Variants in PCDH11X observed in about 807,000 individuals in gnomAD.
The protein encoded by PCDH11X is protocadherin-11 X-linked.
A neutral mutation model predicts 53.3 loss-of-function variants in PCDH11X; 18 were observed. The observed-to-expected ratio is 0.34, with a 90% confidence interval of 0.23 to 0.50. The LOEUF (loss-of-function observed/expected upper bound fraction) is 0.50. PCDH11X is among the 20% of genes least tolerant of loss of function. The probability of loss-of-function intolerance (pLI) is 0.98; values close to 1 mark genes in which losing one functional copy is unlikely to be tolerated. For missense variants in PCDH11X, 570 were observed against 1,032.4 expected, an observed-to-expected ratio of 0.55 and a Z score of 6.14; for synonymous variants, 279 against 393.3, an observed-to-expected ratio of 0.71 and a Z score of 3.44.
intron 6 of PCDH11X, among the ~76,000 whole-genome samples, chrX:91,956,125 C>A (rs1028777326): frequency 1.8e-5 from 2 of 110,754 alleles, no homozygotes; most frequent in Non-Finnish European, 3.8e-5. Flanking sequence ...TCCTCCATAC[C>A]TTTATTTGAG....
intron 6 of PCDH11X, among the ~76,000 whole-genome samples, chrX:92,148,136 C>CTT (rs2065354273): frequency 2.6e-4 from 2 of 7,706 alleles, no homozygotes; most frequent in Non-Finnish European, 4.2e-4. Flanking sequence ...CTTTCTTTTT[C>CTT]CTTCCTTCCT....
intron 10 of PCDH11X, among the ~76,000 whole-genome samples, chrX:92,560,127 G>C: frequency 8.9e-6 from 1 of 112,142 alleles, no homozygotes; most frequent in Non-Finnish European, 1.9e-5. Flanking sequence ...AGCCACAGTA[G>C]GATAGGGCAC....
At chrX:91,876,012 G>A (rs1264243180) in intron 5 of PCDH11X, among the ~76,000 whole-genome samples, 1 of 111,300 alleles carries the variant, frequency 9.0e-6, no homozygotes, top group East Asian at 2.8e-4. Context: ...TAATTCATTT[G>A]GAATAATCTT....
rs1472397202 is a variant in PCDH11X, at chrX:92,323,935, C to T, written c.3144+60792C>T. ...TATTACCAATCCAGGAAAATTAATT[C>T]TGTTAAAAATACAATTCAATAAATC... On this transcript the variant is annotated intron_variant, in intron 8 of 10. Coordinates refer to ENST00000682573, the MANE Select transcript of PCDH11X (RefSeq NM_032968.5). 5.5e-3 allele frequency among the ~76,000 whole-genome samples: 594 copies of T among 108,590 alleles called. 3 individuals carry two copies. Among genetic ancestry groups the T allele is most frequent in the Non-Finnish European group, 8.7e-3 (453 of 52,259 alleles). 94.3% of individuals were successfully genotyped at this position (108,590 alleles called of 115,157 possible). A position where few individuals can be genotyped will look rare whatever the true frequency, so the allele number is the denominator to read the frequency against.
chrX:92,383,648 A>C (rs1187802220), intron 8 of PCDH11X, among the ~76,000 whole-genome samples: 1 of 111,464 alleles, frequency 9.0e-6, no homozygotes, highest in African/African-American at 3.3e-5. Flanking sequence ...CTGCAAAGGA[A>C]ATGAACTCAT....
intron 1 of PCDH11X, among the ~76,000 whole-genome samples, chrX:91,807,362 A>G (rs1241831792): frequency 9.1e-6 from 1 of 110,164 alleles, no homozygotes; most frequent in African/African-American, 3.3e-5. Flanking sequence ...AATTAAAAAT[A>G]AATAAAGGTC....
chrX:92,199,536 TAA>T (rs1287309661), intron 6 of PCDH11X, among the ~76,000 whole-genome samples: 3 of 111,439 alleles, frequency 2.7e-5, no homozygotes, highest in Non-Finnish European at 5.7e-5. Context: ...CAGTCAAGCA[TAA>T]ATGTAGCTAA....
At chrX:91,944,877 T>C (rs2147861478) in intron 6 of PCDH11X, among the ~76,000 whole-genome samples, 1 of 104,315 alleles carries the variant, frequency 9.6e-6, no homozygotes, top group Non-Finnish European at 2.0e-5. Flanking sequence ...AAATCAAGTA[T>C]ATAAATCCAT....
At chrX:92,148,562 A>G (rs1398464269) in intron 6 of PCDH11X, among the ~76,000 whole-genome samples, 2 of 107,981 alleles carry the variant, frequency 1.9e-5, no homozygotes, top group Admixed American at 2.0e-4. Context: ...AGCACCTATG[A>G]TAGAACACAT....
chrX:92,428,445 C>T (rs773364709), intron 9 of PCDH11X, among the ~76,000 whole-genome samples: 10 of 110,946 alleles, frequency 9.0e-5, no homozygotes, highest in Admixed American at 2.9e-4. Flanking sequence ...TGCCCTTTTC[C>T]GGTGTCCCTC....
At chrX:92,020,638 G>T (rs766333412) in intron 6 of PCDH11X, among the ~76,000 whole-genome samples, 8 of 110,093 alleles carry the variant, frequency 7.3e-5, no homozygotes, top group African/African-American at 2.7e-4. Flanking sequence ...AATCTGGGCA[G>T]CCCAGATAGG....
rs2063579239 is a variant in PCDH11X, at chrX:91,936,382, G to A, written c.3033+57109G>A. Among the ~76,000 whole-genome samples, 3 of 109,079 alleles carry A rather than the reference G, an allele frequency of 2.8e-5. No homozygotes were observed. The South Asian group carries it at 1.2e-3, about 42-fold the overall frequency. 94.7% of individuals were successfully genotyped at this position (109,079 alleles called of 115,157 possible). On this transcript the variant is annotated intron_variant, in intron 6 of 10. Transcript: ENST00000682573. ...TGAGATGAAAATTTGATTTGCCTAA[G>A]TAATTTTAACCCTCTTAACATTTAG... is the stretch of plus-strand genomic sequence containing the variant.
At chrX:92,097,684 T>C (rs12863069) in intron 6 of PCDH11X, among the ~76,000 whole-genome samples, 1 of 110,402 alleles carries the variant, frequency 9.1e-6, no homozygotes, top group African/African-American at 3.3e-5. Flanking sequence ...TCAATATATG[T>C]ATCCTCATTT....
rs763381982 is a variant in PCDH11X at position 92,452,463 on chromosome X, GTATATATATATATATA to G, written c.3344-15816_3344-15801del. On this transcript the variant is annotated intron_variant, in intron 9 of 10. Transcript: ENST00000682573. ...TTGTATAATATAGATGTGTGTGTGT[GTATATATATATATATA>G]TATATATATATATATATATGTTTTT... Among the ~76,000 whole-genome samples the G allele has an allele frequency of 4.2e-3, 189 of 44,718 alleles. 4 individuals are homozygous for G. Among genetic ancestry groups the G allele is most frequent in the African/African-American group, 0.017 (182 of 10,617 alleles). The allele number at this position is 44,718 out of a possible 115,157, so 38.8% of individuals were successfully genotyped here. A position where few individuals can be genotyped will look rare whatever the true frequency, so the allele number is the denominator to read the frequency against.
intron 6 of PCDH11X, among the ~76,000 whole-genome samples, chrX:91,892,347 A>G (rs1248577947): frequency 8.4e-5 from 9 of 107,014 alleles, no homozygotes; most frequent in African/African-American, 3.1e-4. Flanking sequence ...TACCCATAAT[A>G]CTCCTAAAAC....
chrX:92,050,196 C>T (rs1382315414), intron 6 of PCDH11X, among the ~76,000 whole-genome samples: 2 of 111,189 alleles, frequency 1.8e-5, no homozygotes, highest in Non-Finnish European at 3.8e-5. Flanking sequence ...TTTCTGCTTT[C>T]GGTTAGTGGT....
rs1179910381 is a variant in PCDH11X, at chrX:91,875,277, ATTTTTTT to A, written c.541-1486_541-1480del. Among the ~76,000 whole-genome samples the A allele has an allele frequency of 1.1e-3, 73 of 63,744 alleles. 3 individuals are homozygous for A. The South Asian group carries it at 0.056, about 49-fold the overall frequency. 55.4% of individuals were successfully genotyped at this position (63,744 alleles called of 115,157 possible). Reference sequence around the variant, plus strand: ...CATCTTATTGTAGTACAGGGAGGGGATTTTTTTTTTTTTTTTTTTTTTTTGAGACGAG... The same window carrying A: ...CATCTTATTGTAGTACAGGGAGGGGATTTTTTTTTTTTTTTTTGAGACGAG... On this transcript the variant is annotated intron_variant, in intron 5 of 10. Transcript: ENST00000682573.
intron 10 of PCDH11X, among the ~76,000 whole-genome samples, chrX:92,501,373 T>C (rs2073956770): frequency 9.0e-6 from 1 of 111,004 alleles, no homozygotes; most frequent in Admixed American, 9.6e-5. Context: ...CCTAACTAAT[T>C]CTCTGAGGCT....
chrX:92,484,152 TA>T (rs1375870003), intron 10 of PCDH11X, among the ~76,000 whole-genome samples: 2 of 40,112 alleles, frequency 5.0e-5, no homozygotes, highest in Non-Finnish European at 9.3e-5. Context: ...TATATATATG[TA>T]TATATGTATA....
Sources: gnomAD v4.1 joint callset for allele counts (sites outside exome capture counted in the v4.1 genomes callset) on GRCh38, gnomAD v4.1.1 for gene constraint, MANE v1.5 for transcripts, NCBI Gene and HGNC (gene_info 2026-07-23, HGNC 2026-07-21) for gene names.